GSG1L: variants seen among roughly 807,000 people sequenced by gnomAD.
GSG1L encodes GSG1 like.
A neutral mutation model predicts 42.1 loss-of-function variants in GSG1L; 24 were observed. That is an observed-to-expected ratio of 0.57 (90% CI 0.41 to 0.80). GSG1L has a LOEUF of 0.80. Ranked by LOEUF, GSG1L falls within the 30% of genes least tolerant of loss-of-function variation. The pLI, the probability that GSG1L is intolerant of heterozygous loss-of-function variation, is 0.00. For missense variants in GSG1L, 445 were observed against 472.2 expected, an observed-to-expected ratio of 0.94 and a Z score of 0.53; for synonymous variants, 215 against 203.5, an observed-to-expected ratio of 1.06 and a Z score of -0.48.
intron 2 of GSG1L, among the ~76,000 whole-genome samples, chr16:27,940,943 G>T (rs1448435676): frequency 6.6e-6 from 1 of 151,988 alleles, no homozygotes; most frequent in East Asian, 1.9e-4. Context: ...GATAAATTTA[G>T]CTGCTTTAAA....
intron 2 of GSG1L, among the ~76,000 whole-genome samples, chr16:27,898,324 G>A (rs930848263): frequency 1.3e-5 from 2 of 152,110 alleles, no homozygotes; most frequent in East Asian, 1.9e-4. Context: ...CCAAGGTAGA[G>A]ATCTGGCCCC....
intron 2 of GSG1L, among the ~76,000 whole-genome samples, chr16:27,888,476 CTCTTTCCTTTCTTTCTT>C (rs1567505835): frequency 5.0e-5 from 3 of 60,012 alleles, no homozygotes; most frequent in Non-Finnish European, 1.1e-4. Context: ...CTCTCTCTCT[CTCTTTCCTTTCTTTCTT>C]TCTTTCTTTC....
At chr16:28,055,431 C>T (rs532635829) in intron 1 of GSG1L, among the ~76,000 whole-genome samples, 2 of 151,740 alleles carry the variant, frequency 1.3e-5, no homozygotes, top group Admixed American at 6.6e-5. Context: ...GCCATTGTGC[C>T]GAGCTAGCAT....
chr16:27,831,067 G>A (rs1339857422), intron 4 of GSG1L, among the ~76,000 whole-genome samples: 2 of 152,224 alleles, frequency 1.3e-5, no homozygotes, highest in Non-Finnish European at 2.9e-5. Context: ...ATTGGTTGGG[G>A]GGTGGGCACA....
intron 4 of GSG1L, among the ~76,000 whole-genome samples, chr16:27,829,262 T>C (rs1396779839): frequency 1.3e-5 from 2 of 152,106 alleles, no homozygotes; most frequent in South Asian, 2.1e-4. Flanking sequence ...GCGACACTTA[T>C]GTTCAGTCTG....
At chr16:27,855,451 G>A (rs941658215) in intron 3 of GSG1L, among the ~76,000 whole-genome samples, 12 of 152,244 alleles carry the variant, frequency 7.9e-5, no homozygotes, top group Middle Eastern at 3.4e-3. Flanking sequence ...CGGAAGCAGT[G>A]TTACAAGCCT....
chr16:28,010,453 G>A (rs543038675), intron 1 of GSG1L, among the ~76,000 whole-genome samples: 4 of 152,292 alleles, frequency 2.6e-5, no homozygotes, highest in African/African-American at 9.6e-5. Context: ...CCCTCTGATT[G>A]CTGCAGGTCA....
intron 3 of GSG1L, among the ~76,000 whole-genome samples, chr16:27,860,682 G>A (rs1567491563): frequency 6.6e-6 from 1 of 152,200 alleles, no homozygotes. Context: ...TCCTCTTAGG[G>A]GCTTTTAGAC....
intron 3 of GSG1L, among the ~76,000 whole-genome samples, chr16:27,847,828 C>T (rs1398792648): frequency 2.0e-5 from 3 of 152,198 alleles, no homozygotes; most frequent in South Asian, 2.1e-4. Context: ...GCTTCCCCTT[C>T]GCCCTCTGCT....
chr16:27,870,941 C>A (rs1303136925), intron 3 of GSG1L, among the ~76,000 whole-genome samples: 3 of 151,386 alleles, frequency 2.0e-5, no homozygotes, highest in Admixed American at 6.6e-5. Context: ...CCTTCCTGTA[C>A]CCCAACAACA....
At chr16:27,872,089 C>T (rs1355981880) in intron 3 of GSG1L, among the ~76,000 whole-genome samples, 1 of 152,184 alleles carries the variant, frequency 6.6e-6, no homozygotes, top group Non-Finnish European at 1.5e-5. Flanking sequence ...TGGCCTTCCT[C>T]GAATGCCATG....
At chr16:27,798,688 T>C (rs1470304629) in intron 6 of GSG1L, among the ~76,000 whole-genome samples, 1 of 152,138 alleles carries the variant, frequency 6.6e-6, no homozygotes, top group Non-Finnish European at 1.5e-5. Flanking sequence ...CAGCTACAGA[T>C]TCCTTGCCTG....
chr16:27,978,732 C>T lies in GSG1L; in HGVS notation c.350-15529G>A, dbSNP rs1357598756. Among the ~76,000 whole-genome samples, 7 of 150,314 alleles carry T rather than the reference C, an allele frequency of 4.7e-5. No homozygotes were observed. In the East Asian group the frequency reaches 1.4e-3, roughly 29 times the overall value. ...AATCAAATCCCCACTGTGCCACCTG[C>T]TAGCTGTGGGACTGGGAGTAAATAA... On this transcript the variant is annotated intron_variant, in intron 1 of 6. Coordinates refer to ENST00000447459, the MANE Select transcript of GSG1L (RefSeq NM_001109763.2).
Position 27,867,901 on chromosome 16 carries a change from A to G in GSG1L, c.550+16585T>C, listed in dbSNP as rs59103844. On this transcript the variant is annotated intron_variant, in intron 3 of 6. Transcript: ENST00000447459. ...GCCTGGGCCTAGCAGTCCTGTCCCA[A>G]CCTCCTTGCGTTTCTCGCGAGACCA... 3.3e-3 allele frequency among the ~76,000 whole-genome samples: 495 copies of G among 152,054 alleles called. 1 individual carries two copies. Among genetic ancestry groups the G allele is most frequent in the African/African-American group, 0.011 (461 of 41,444 alleles).
chr16:27,864,630 G>A (rs776203980), intron 3 of GSG1L, among the ~76,000 whole-genome samples: 28 of 152,176 alleles, frequency 1.8e-4, no homozygotes, highest in Non-Finnish European at 2.2e-4. Context: ...AGAAAAATAC[G>A]GTTTTGCCTC....
intron 2 of GSG1L, among the ~76,000 whole-genome samples, chr16:27,905,319 CTTTTTT>C (rs539377057): frequency 1.5e-5 from 2 of 132,604 alleles, no homozygotes; most frequent in South Asian, 2.6e-4. Flanking sequence ...ATGCCAGAAT[CTTTTTT>C]TTTTTTTTTT....
chr16:27,880,687 GA>G (rs1199674774), intron 3 of GSG1L, among the ~76,000 whole-genome samples: 1 of 152,124 alleles, frequency 6.6e-6, no homozygotes, highest in Admixed American at 6.6e-5. Flanking sequence ...GGAGGTAGAG[GA>G]GAGTCCCCCA....
At chr16:27,825,293 A>G (rs773432615) in intron 5 of GSG1L, among the ~76,000 whole-genome samples, 12 of 152,212 alleles carry the variant, frequency 7.9e-5, no homozygotes, top group Non-Finnish European at 1.8e-4. Flanking sequence ...AAGACGGCAT[A>G]GGTCTTCTAT....
intron 4 of GSG1L, among the ~76,000 whole-genome samples, chr16:27,830,623 C>G (rs2083264169): frequency 6.6e-6 from 1 of 152,200 alleles, no homozygotes; most frequent in South Asian, 2.1e-4. Flanking sequence ...CAGCCCGGCC[C>G]CTCTAAGAGC....
Sources: gnomAD v4.1 joint callset for allele counts (sites outside exome capture counted in the v4.1 genomes callset) on GRCh38, gnomAD v4.1.1 for gene constraint, MANE v1.5 for transcripts, NCBI Gene and HGNC (gene_info 2026-07-23, HGNC 2026-07-21) for gene names.